Variants in FBXO36 observed in about 807,000 individuals in gnomAD.
The protein encoded by FBXO36 is F-box protein 36.
A neutral mutation model predicts 17.0 loss-of-function variants in FBXO36; 18 were observed. The ratio of observed to expected loss-of-function variants is 1.06; its 90% CI spans 0.73 to 1.57. FBXO36 has a LOEUF of 1.57. Ranked by LOEUF, FBXO36 falls within the 40% of genes most tolerant of loss-of-function variation. The pLI is 0.00. For missense variants in FBXO36, 229 were observed against 221.9 expected, an observed-to-expected ratio of 1.03 and a Z score of -0.20; for synonymous variants, 83 against 85.3, an observed-to-expected ratio of 0.97 and a Z score of 0.15.
chr2:229,996,967 C>CT (rs2077330944), intron 3 of FBXO36, 44 bp downstream of exon 3: 1 of 1,564,482 alleles, frequency 6.4e-7, no homozygotes. Context: ...TTTCCATGTG[C>CT]TTTCTAAAAA....
At chr2:229,996,322 C>T (rs2077327194) in intron 2 of FBXO36, among the ~76,000 whole-genome samples, 2 of 151,730 alleles carry the variant, frequency 1.3e-5, no homozygotes, top group Admixed American at 6.6e-5. Flanking sequence ...AATTAGGAGA[C>T]AATGTGTTTT....
intron 1 of FBXO36, among the ~76,000 whole-genome samples, chr2:229,973,905 C>A (rs1232469126): frequency 1.3e-5 from 2 of 151,514 alleles, no homozygotes; most frequent in East Asian, 3.9e-4. Flanking sequence ...AAAAATTAGC[C>A]TTGTGGTGGT....
At chr2:229,958,555 C>G (rs187477885) in intron 1 of FBXO36, among the ~76,000 whole-genome samples, 2 of 152,166 alleles carry the variant, frequency 1.3e-5, no homozygotes, top group Non-Finnish European at 2.9e-5. Flanking sequence ...AGGCGCGAGC[C>G]ACCGCACCCT....
At chr2:230,000,418 G>T (rs2077352194) in intron 3 of FBXO36, among the ~76,000 whole-genome samples, 1 of 146,722 alleles carries the variant, frequency 6.8e-6, no homozygotes, top group Admixed American at 6.8e-5. Context: ...TAAATGAAAA[G>T]AGAATTCTAC....
chr2:229,972,937 C>T (rs961772445), intron 1 of FBXO36, among the ~76,000 whole-genome samples: 11 of 151,818 alleles, frequency 7.2e-5, no homozygotes, highest in African/African-American at 2.7e-4. Context: ...TGGCGTGCGC[C>T]TGTAATCCCA....
intron 1 of FBXO36, among the ~76,000 whole-genome samples, chr2:229,947,646 G>A (rs991935541): frequency 6.6e-6 from 1 of 152,224 alleles, no homozygotes; most frequent in Non-Finnish European, 1.5e-5. Flanking sequence ...AAGTACCACG[G>A]AGTTGAATGT....
At chr2:229,962,539 T>TTTTA (rs2077128603) in intron 1 of FBXO36, among the ~76,000 whole-genome samples, 1 of 149,076 alleles carries the variant, frequency 6.7e-6, no homozygotes, top group Non-Finnish European at 1.5e-5. Context: ...TTTTATTTTA[T>TTTTA]TTTATTTTAT....
In FBXO36 at chr2:229,956,873, C is replaced by G. The variant is rs572026251; in HGVS notation, c.97-19368C>G. 2.0e-5 allele frequency among the ~76,000 whole-genome samples: 3 copies of G among 152,284 alleles called. No homozygotes were observed. The East Asian group carries it at 5.8e-4, about 29-fold the overall frequency. On this transcript the variant is annotated intron_variant, in intron 1 of 3. Coordinates refer to ENST00000283946, the MANE Select transcript of FBXO36 (RefSeq NM_174899.5). The stretch of plus-strand genomic sequence containing the variant: ...TGGGGTATTGTTTTCTAAGCCCCAA[C>G]AACACCCCTGGGGTCTCTTCCCCTT...
At chr2:229,944,028 A>T (rs1226882467) in intron 1 of FBXO36, among the ~76,000 whole-genome samples, 1 of 152,118 alleles carries the variant, frequency 6.6e-6, no homozygotes, top group Admixed American at 6.6e-5. Flanking sequence ...CTGGCCACGT[A>T]AGACGGGGCC....
chr2:229,984,974 AT>A (rs1362127419), intron 2 of FBXO36, among the ~76,000 whole-genome samples: 2 of 152,128 alleles, frequency 1.3e-5, no homozygotes, highest in Non-Finnish European at 2.9e-5. Flanking sequence ...TACCTTATAA[AT>A]TTTGATAGAT....
At chr2:229,967,289 G>A (rs1256691358) in intron 1 of FBXO36, among the ~76,000 whole-genome samples, 1 of 152,120 alleles carries the variant, frequency 6.6e-6, no homozygotes, top group Non-Finnish European at 1.5e-5. Context: ...TGAGACAATG[G>A]GGTTTTCTAG....
intron 1 of FBXO36, chr2:229,923,054 G>A (rs557933330): frequency 6.3e-6 from 1 of 159,788 alleles, no homozygotes; most frequent in East Asian, 1.9e-4. Context: ...TAATCATGGA[G>A]AATTTTATAA....
chr2:229,980,111 G>A (rs935920724), intron 2 of FBXO36, among the ~76,000 whole-genome samples: 1 of 151,854 alleles, frequency 6.6e-6, no homozygotes. Flanking sequence ...GCAGTGGCAC[G>A]ATCTCAGCTC....
intron 1 of FBXO36, among the ~76,000 whole-genome samples, chr2:229,949,381 T>C (rs1201861851): frequency 1.3e-5 from 2 of 152,122 alleles, no homozygotes; most frequent in Non-Finnish European, 1.5e-5. Flanking sequence ...GAAAATTGGT[T>C]AAGTAAATTA....
chr2:229,931,110 G>T (rs2106154022), intron 1 of FBXO36, among the ~76,000 whole-genome samples: 1 of 152,086 alleles, frequency 6.6e-6, no homozygotes, highest in African/African-American at 2.4e-5. Context: ...TTTTTAAGTG[G>T]CATATGGCAC....
chr2:229,965,629 G>T (rs1005078496), intron 1 of FBXO36, among the ~76,000 whole-genome samples: 16 of 151,080 alleles, frequency 1.1e-4, no homozygotes, highest in Non-Finnish European at 1.9e-4. Context: ...GCGGTGTTTG[G>T]TTTTTTTGTC....
intron 1 of FBXO36, among the ~76,000 whole-genome samples, chr2:229,926,880 A>G (rs1238802860): frequency 6.6e-6 from 1 of 151,856 alleles, no homozygotes; most frequent in African/African-American, 2.4e-5. Flanking sequence ...TGTTTTTGCA[A>G]CAAGAGCCTC....
intron 3 of FBXO36, among the ~76,000 whole-genome samples, chr2:230,009,519 C>T (rs2077403771): frequency 6.6e-6 from 1 of 152,108 alleles, no homozygotes; most frequent in Admixed American, 6.5e-5. Context: ...ACTTTCAAGA[C>T]CAAGAAGTGC....
At chr2:229,993,755 T>C (rs1252861664) in intron 2 of FBXO36, among the ~76,000 whole-genome samples, 1 of 151,258 alleles carries the variant, frequency 6.6e-6, no homozygotes, top group African/African-American at 2.5e-5. Flanking sequence ...CTAAAACTTT[T>C]ACACTTTATT....
Sources: allele counts gnomAD v4.1 joint callset (sites outside exome capture counted in the v4.1 genomes callset), GRCh38; gene constraint gnomAD v4.1.1; transcripts MANE v1.5; gene names NCBI Gene and HGNC (gene_info 2026-07-23, HGNC 2026-07-21).